Variants in EPHA6 observed in about 807,000 individuals in gnomAD.
The protein encoded by EPHA6 is EPH receptor A6.
EPHA6 carries 50 observed loss-of-function variants against 112.0 expected under a neutral mutation model. The ratio of observed to expected loss-of-function variants is 0.45; its 90% CI spans 0.36 to 0.56. The LOEUF (loss-of-function observed/expected upper bound fraction) is 0.56, where lower values mean the gene tolerates loss of function less well. Among genes scored for constraint, EPHA6 ranks in the 20% least tolerant of loss-of-function variants. EPHA6 has a pLI of 0.00. For missense variants in EPHA6, 1,280 were observed against 1,417.4 expected (o/e 0.90, Z 1.56); for synonymous variants, 529 against 490.7 (o/e 1.08, Z -1.03).
In EPHA6 at chr3:97,752,787, A is replaced by C. The variant is rs2035932698; in HGVS notation, c.*4086A>C. 6.6e-6 allele frequency among the ~76,000 whole-genome samples: 1 copy of C among 152,050 alleles called. No individual in the cohort carries two copies. Among genetic ancestry groups the C allele is most frequent in the Non-Finnish European group, 1.5e-5 (1 of 67,968 alleles). ...CTTTAACTAAGGAAGTTTATTATTAATATTTTAAAAATTAGTATTTTAAGA... is the reference window on the plus strand; with the variant it reads ...CTTTAACTAAGGAAGTTTATTATTACTATTTTAAAAATTAGTATTTTAAGA... On this transcript the variant is annotated 3_prime_UTR_variant, in exon 18 of 18. Transcript: ENST00000389672.
chr3:97,642,169 A>G lies in EPHA6; in HGVS notation c.2784+4087A>G, dbSNP rs527475600. On this transcript the variant is annotated intron_variant, in intron 14 of 17. Transcript: ENST00000389672. ...GCAGCCTAACTGGGAGGCACCCCCC[A>G]GCAGGGGCACACTGACACCTCACAC... 3.4e-4 allele frequency among the ~76,000 whole-genome samples: 39 copies of G among 114,114 alleles called. 2 individuals carry two copies. The highest frequency in any genetic ancestry group is 2.0e-3 in the Admixed American group (23 of 11,256). The allele number at this position is 114,114 out of a possible 152,430, so 74.9% of individuals were successfully genotyped here.
intron 3 of EPHA6, among the ~76,000 whole-genome samples, chr3:97,210,337 G>A (rs191235378): frequency 3.8e-4 from 58 of 152,240 alleles, no homozygotes; most frequent in African/African-American, 1.2e-3. Context: ...TGAGAGTGAA[G>A]TGAAGACGGA....
chr3:97,201,113 T>A (rs1175868578), intron 3 of EPHA6, among the ~76,000 whole-genome samples: 1 of 152,084 alleles, frequency 6.6e-6, no homozygotes, highest in African/African-American at 2.4e-5. Context: ...TAAAAGCCAA[T>A]GTATTAGCTT....
intron 2 of EPHA6, among the ~76,000 whole-genome samples, chr3:96,907,826 C>T (rs2039013932): frequency 1.3e-5 from 2 of 151,828 alleles, no homozygotes; most frequent in Admixed American, 1.3e-4. Context: ...CCTTCAAATA[C>T]ATAGGTTAAG....
chr3:97,729,301 CT>C (rs1440535327), intron 15 of EPHA6, among the ~76,000 whole-genome samples: 1 of 151,990 alleles, frequency 6.6e-6, no homozygotes, highest in African/African-American at 2.4e-5. Flanking sequence ...CATTTTCACA[CT>C]GCTATGAAGA....
At chr3:97,095,485 A>G (rs899112071) in intron 3 of EPHA6, among the ~76,000 whole-genome samples, 1 of 151,950 alleles carries the variant, frequency 6.6e-6, no homozygotes, top group African/African-American at 2.4e-5. Context: ...TTTTGTTGTG[A>G]CCATACCCCC....
intron 2 of EPHA6, among the ~76,000 whole-genome samples, chr3:96,942,699 T>C (rs187768435): frequency 3.3e-5 from 5 of 152,234 alleles, no homozygotes; most frequent in Non-Finnish European, 7.3e-5. Context: ...ACCGGTCTTC[T>C]GCTTTGCTCA....
At chr3:97,170,912 T>C (rs2076682548) in intron 3 of EPHA6, among the ~76,000 whole-genome samples, 2 of 152,190 alleles carry the variant, frequency 1.3e-5, no homozygotes, top group African/African-American at 4.8e-5. Context: ...AAACCTATTG[T>C]ATGTTGAGGA....
chr3:97,552,991 G>T (rs953583896), intron 11 of EPHA6, among the ~76,000 whole-genome samples: 5 of 152,048 alleles, frequency 3.3e-5, no homozygotes, highest in Non-Finnish European at 5.9e-5. Context: ...TAGTGTCTTG[G>T]ATTAAAGAAA....
rs114088300 is a variant in EPHA6 at position 97,183,337 on chromosome 3, T to C, written c.1115-42927T>C. On this transcript the variant is annotated intron_variant, in intron 3 of 17. Coordinates refer to ENST00000389672, the MANE Select transcript of EPHA6 (RefSeq NM_001080448.3). ...ATGTTAATTATCACTAGATGTGAAA[T>C]AAATACAAATTAAAATGATGAGGTA... is the stretch of plus-strand genomic sequence containing the variant. Among the ~76,000 whole-genome samples the C allele has an allele frequency of 7.4e-3, 1,121 of 152,162 alleles. 6 individuals are homozygous for C. Among genetic ancestry groups the C allele is most frequent in the Non-Finnish European group, 0.013 (889 of 67,968 alleles).
At chr3:97,171,173 T>C (rs1457714628) in intron 3 of EPHA6, among the ~76,000 whole-genome samples, 1 of 152,170 alleles carries the variant, frequency 6.6e-6, no homozygotes, top group Admixed American at 6.6e-5. Context: ...TGATTTCCCA[T>C]GGAGTTGAGA....
chr3:97,573,594 ATTTTATT>A (rs1000067439), intron 11 of EPHA6, among the ~76,000 whole-genome samples: 5 of 151,660 alleles, frequency 3.3e-5, no homozygotes, highest in Admixed American at 6.6e-5. Context: ...ATTTTTTTAA[ATTTTATT>A]TTTTATTATA....
chr3:97,492,547 C>CAAAAAAAAAAAAAA (rs780244403), intron 10 of EPHA6, among the ~76,000 whole-genome samples: 4 of 28,944 alleles, frequency 1.4e-4, no homozygotes, highest in Non-Finnish European at 3.2e-4. Flanking sequence ...GACTCAGTCT[C>CAAAAAAAAAAAAAA]AAAAAAAAAA....
intron 10 of EPHA6, among the ~76,000 whole-genome samples, chr3:97,510,009 C>A (rs2092334947): frequency 6.6e-6 from 1 of 152,058 alleles, no homozygotes; most frequent in Admixed American, 6.6e-5. Flanking sequence ...ACTTCATGAA[C>A]TTCTTGTGCT....
At chr3:97,439,603 C>G in intron 6 of EPHA6, 1 of 1,005,654 alleles carries the variant, frequency 9.9e-7, no homozygotes, top group Non-Finnish European at 1.2e-6. Flanking sequence ...AATGGAGAAT[C>G]CAAGGCAGAG....
chr3:97,441,461 T>A, intron 6 of EPHA6: 1 of 976,582 alleles, frequency 1.0e-6, no homozygotes, highest in Non-Finnish European at 1.2e-6. Context: ...CAACTAGACA[T>A]CTGCCAAAAA....
At chr3:96,875,906 A>G (rs1026365652) in intron 2 of EPHA6, among the ~76,000 whole-genome samples, 2 of 151,272 alleles carry the variant, frequency 1.3e-5, no homozygotes, top group African/African-American at 2.4e-5. Flanking sequence ...CTTTACTTCC[A>G]AGAGAAGTTT....
At chr3:97,538,121 T>C (rs895383085) in intron 11 of EPHA6, among the ~76,000 whole-genome samples, 1 of 152,008 alleles carries the variant, frequency 6.6e-6, no homozygotes, top group Non-Finnish European at 1.5e-5. Flanking sequence ...AAAGTAATAA[T>C]AGTGTGGATT....
At chr3:97,083,323 T>A (rs1349251742) in intron 3 of EPHA6, among the ~76,000 whole-genome samples, 2 of 152,026 alleles carry the variant, frequency 1.3e-5, no homozygotes, top group African/African-American at 4.8e-5. Flanking sequence ...CATGGTTGAT[T>A]CCAATATCGC....
Sources: allele counts gnomAD v4.1 joint callset (sites outside exome capture counted in the v4.1 genomes callset), GRCh38; gene constraint gnomAD v4.1.1; transcripts MANE v1.5; gene names NCBI Gene and HGNC (gene_info 2026-07-23, HGNC 2026-07-21).